FNDC3A: variants seen among roughly 807,000 people sequenced by gnomAD.
FNDC3A encodes fibronectin type III domain containing 3A, also known as fibronectin type-III domain-containing protein 3A.
A neutral mutation model predicts 148.9 loss-of-function variants in FNDC3A; 32 were observed. The observed-to-expected ratio is 0.21, with a 90% CI of 0.16 to 0.29. The LOEUF (loss-of-function observed/expected upper bound fraction) is 0.29, where lower values mean the gene tolerates loss of function less well. Among genes scored for constraint, FNDC3A ranks in the 10% least tolerant of loss-of-function variants. The pLI, the probability that FNDC3A is intolerant of heterozygous loss-of-function variation, is 1.00. For synonymous variants in FNDC3A, 472 were observed against 473.6 expected (o/e 1.00, Z 0.04); for missense variants, 1,191 against 1,452.8 (o/e 0.82, Z 2.93).
At chr13:49,026,004 C>G (rs1351735562) in intron 2 of FNDC3A, among the ~76,000 whole-genome samples, 1 of 152,152 alleles carries the variant, frequency 6.6e-6, no homozygotes, top group Non-Finnish European at 1.5e-5. Context: ...AATGATAGAA[C>G]TGGAAACAGT....
chr13:48,988,688 A>G (rs988475771), intron 1 of FNDC3A, among the ~76,000 whole-genome samples: 37 of 151,884 alleles, frequency 2.4e-4, no homozygotes, highest in Admixed American at 1.2e-3. Context: ...CTAAATAATA[A>G]GTAAATAAGT....
chr13:49,016,562 T>G (rs1414160311), intron 2 of FNDC3A, among the ~76,000 whole-genome samples: 1 of 152,222 alleles, frequency 6.6e-6, no homozygotes, highest in Non-Finnish European at 1.5e-5. Context: ...GCTCCTGGAT[T>G]CATTAATTTT....
At chr13:49,149,652 T>C (rs1322323449) in intron 8 of FNDC3A, among the ~76,000 whole-genome samples, 1 of 152,198 alleles carries the variant, frequency 6.6e-6, no homozygotes, top group Admixed American at 6.5e-5. Flanking sequence ...TCTGTACTTT[T>C]CTTTTTTTGT....
chr13:49,018,987 A>G (rs1219639460), intron 2 of FNDC3A, among the ~76,000 whole-genome samples: 3 of 152,142 alleles, frequency 2.0e-5, no homozygotes, highest in Non-Finnish European at 4.4e-5. Flanking sequence ...GTGCTGGGAG[A>G]ACCACTGCTC....
intron 8 of FNDC3A, among the ~76,000 whole-genome samples, chr13:49,160,454 T>C (rs1293920758): frequency 2.0e-5 from 3 of 152,202 alleles, no homozygotes; most frequent in African/African-American, 7.2e-5. Flanking sequence ...TCTGTGGGAT[T>C]GGTGGCGATA....
chr13:49,190,808 GTCTT>G (rs1244821460), intron 17 of FNDC3A, among the ~76,000 whole-genome samples: 4 of 152,106 alleles, frequency 2.6e-5, no homozygotes, highest in East Asian at 1.9e-4. Context: ...CACAGTACAT[GTCTT>G]TCTTTGTCTA....
At chr13:49,101,799 T>G (rs968114113) in intron 3 of FNDC3A, among the ~76,000 whole-genome samples, 4 of 151,000 alleles carry the variant, frequency 2.6e-5, no homozygotes, top group African/African-American at 9.7e-5. Context: ...CTTTAGTTTT[T>G]TTTTTTTTTT....
At chr13:49,196,827 G>A in intron 19 of FNDC3A, 50 bp from the exon 20 acceptor site, 1 of 937,938 alleles carries the variant, frequency 1.1e-6, no homozygotes, top group Non-Finnish European at 1.7e-6. Flanking sequence ...TGCAATCAGT[G>A]GACATTTAAG....
intron 2 of FNDC3A, among the ~76,000 whole-genome samples, chr13:49,019,730 T>C (rs1179325465): frequency 6.6e-6 from 1 of 152,254 alleles, no homozygotes; most frequent in Non-Finnish European, 1.5e-5. Context: ...TGGGGTATGC[T>C]AATATTTTTT....
At chr13:49,114,798 T>C (rs1344258447) in intron 4 of FNDC3A, 67 bp downstream of exon 4, 4 of 1,105,524 alleles carry the variant, frequency 3.6e-6, no homozygotes, top group Non-Finnish European at 5.6e-6. Flanking sequence ...TCTTTGACTT[T>C]GATTTTGATT....
intron 25 of FNDC3A, among the ~76,000 whole-genome samples, chr13:49,206,742 G>C (rs1298251576): frequency 6.6e-6 from 1 of 152,212 alleles, no homozygotes; most frequent in African/African-American, 2.4e-5. Flanking sequence ...TTGATGGAAT[G>C]ATTGCATTGA....
chr13:49,112,894 G>T (rs1479111898), intron 3 of FNDC3A, among the ~76,000 whole-genome samples: 2 of 152,110 alleles, frequency 1.3e-5, no homozygotes, highest in African/African-American at 2.4e-5. Context: ...TTTGGTGGTG[G>T]TCTTGTTTTG....
chr13:49,146,581 A>G (rs1329206213), intron 8 of FNDC3A: 1 of 152,216 alleles, frequency 6.6e-6, no homozygotes, highest in Non-Finnish European at 1.5e-5. Context: ...TACTAAAAAT[A>G]TAAAAATTAG....
chr13:48,992,582 TTAG>T (rs1951941838), intron 1 of FNDC3A, among the ~76,000 whole-genome samples: 1 of 152,034 alleles, frequency 6.6e-6, no homozygotes. Context: ...TTACAAATGG[TTAG>T]TAGGAAAATT....
In FNDC3A at chr13:49,073,591, G is replaced by C. The variant is rs181428155; in HGVS notation, c.100-1698G>C. 9.4e-4 allele frequency among the ~76,000 whole-genome samples: 141 copies of C among 150,692 alleles called. 1 individual carries two copies. Among genetic ancestry groups the C allele is most frequent in the African/African-American group, 3.3e-3 (135 of 41,066 alleles). On this transcript the variant is annotated intron_variant, in intron 2 of 25. Coordinates refer to ENST00000492622, the MANE Select transcript of FNDC3A (RefSeq NM_001079673.2). ...ATTACCTTCATGCTGTGTGTATAAGGTATATATGAAACATAAATGATTTTT... is the reference window on the plus strand; with the variant it reads ...ATTACCTTCATGCTGTGTGTATAAGCTATATATGAAACATAAATGATTTTT...
intron 23 of FNDC3A, chr13:49,201,097 A>AT (rs1886399200): frequency 3.9e-6 from 1 of 256,062 alleles, no homozygotes; most frequent in African/African-American, 2.3e-5. Flanking sequence ...TTGAATAAGC[A>AT]TTCATTATTC....
chr13:49,170,394 A>G (rs1884694120), intron 10 of FNDC3A, among the ~76,000 whole-genome samples: 1 of 152,194 alleles, frequency 6.6e-6, no homozygotes, highest in Non-Finnish European at 1.5e-5. Flanking sequence ...TGACTCTGCT[A>G]CCTCACCTAA....
At chr13:49,013,634 ATACATG>A (rs1219040966) in intron 2 of FNDC3A, among the ~76,000 whole-genome samples, 2 of 150,824 alleles carry the variant, frequency 1.3e-5, no homozygotes, top group African/African-American at 4.9e-5. Flanking sequence ...GTATACATGT[ATACATG>A]TACATGTGTA....
chr13:49,178,330 CTA>C (rs1885134310), intron 13 of FNDC3A, among the ~76,000 whole-genome samples: 1 of 152,184 alleles, frequency 6.6e-6, no homozygotes. Flanking sequence ...CTTCTCTTGG[CTA>C]CTATATTTAC....
Sources: allele counts gnomAD v4.1 joint callset (sites outside exome capture counted in the v4.1 genomes callset), GRCh38; gene constraint gnomAD v4.1.1; transcripts MANE v1.5; gene names NCBI Gene and HGNC (gene_info 2026-07-23, HGNC 2026-07-21).